The following SLC22A15 variants were observed in gnomAD, a reference collection of about 807,000 sequenced individuals.
SLC22A15 encodes the protein solute carrier family 22 member 15, also known as flipt 1.
In SLC22A15, 45 loss-of-function variants were observed where a neutral mutation model predicts 62.7. The ratio of observed to expected loss-of-function variants is 0.72; its 90% CI spans 0.56 to 0.92. SLC22A15 has a LOEUF of 0.92. Among genes scored for constraint, SLC22A15 ranks in the 40% least tolerant of loss-of-function variants. The pLI is 0.00. For missense variants in SLC22A15, 622 were observed against 665.6 expected (o/e 0.93, Z 0.72); for synonymous variants, 264 against 267.0 (o/e 0.99, Z 0.11).
intron 2 of SLC22A15, among the ~76,000 whole-genome samples, chr1:116,016,045 ATC>A (rs1380111050): frequency 2.6e-5 from 4 of 151,612 alleles, no homozygotes; most frequent in Admixed American, 6.6e-5. Context: ...AGCTCTTTTA[ATC>A]TCTTTTATAT....
At position 115,987,552 on chromosome 1, in the gene SLC22A15, G is replaced by A. The variant is rs190035910; in HGVS notation, c.88-4479G>A. On this transcript the variant is annotated intron_variant, in intron 1 of 11. Coordinates refer to ENST00000369503, the MANE Select transcript of SLC22A15 (RefSeq NM_018420.3). Reference sequence around the variant, plus strand: ...CTCAAATTTTACACAAAAAAAAATAGCTAGTATTAGTAAGTCAACCAACAA... The same window carrying A: ...CTCAAATTTTACACAAAAAAAAATAACTAGTATTAGTAAGTCAACCAACAA... Among the ~76,000 whole-genome samples, 5 of 152,258 alleles carry A rather than the reference G, an allele frequency of 3.3e-5. No homozygotes were observed. The East Asian group carries it at 9.7e-4, about 29-fold the overall frequency.
At chr1:116,047,388 C>G (rs1490521716) in intron 8 of SLC22A15, among the ~76,000 whole-genome samples, 1 of 152,166 alleles carries the variant, frequency 6.6e-6, no homozygotes, top group Non-Finnish European at 1.5e-5. Context: ...GATCGTGCCA[C>G]TGCACTCCAG....
At chr1:116,051,773 C>T (rs1442047180) in intron 8 of SLC22A15, among the ~76,000 whole-genome samples, 1 of 152,162 alleles carries the variant, frequency 6.6e-6, no homozygotes, top group Non-Finnish European at 1.5e-5. Context: ...TGCTCGAGGT[C>T]CACACCGCGG....
At chr1:116,001,829 C>T (rs1655748082) in intron 2 of SLC22A15, among the ~76,000 whole-genome samples, 1 of 152,092 alleles carries the variant, frequency 6.6e-6, no homozygotes, top group Non-Finnish European at 1.5e-5. Context: ...CAGAATTGGT[C>T]ACTGGTGCCT....
chr1:116,039,057 A>AAG (rs746606744), intron 8 of SLC22A15, among the ~76,000 whole-genome samples: 2,000 of 152,258 alleles, frequency 0.013, 17 homozygotes, highest in Non-Finnish European at 0.022. Flanking sequence ...CCAGACCAGC[A>AAG]AGTACCACTC....
chr1:116,053,972 G>A (rs564209033), intron 8 of SLC22A15, among the ~76,000 whole-genome samples: 6 of 152,010 alleles, frequency 3.9e-5, no homozygotes, highest in Non-Finnish European at 5.9e-5. Context: ...AAAGACCATC[G>A]AGACTAGGAA....
intron 8 of SLC22A15, among the ~76,000 whole-genome samples, chr1:116,040,190 G>A (rs772365718): frequency 1.3e-5 from 2 of 152,170 alleles, no homozygotes; most frequent in Non-Finnish European, 2.9e-5. Context: ...AGATTGTTTG[G>A]CATTCCTCAG....
chr1:116,034,937 A>G (rs953351955), intron 6 of SLC22A15, among the ~76,000 whole-genome samples: 4 of 152,236 alleles, frequency 2.6e-5, no homozygotes, highest in African/African-American at 7.2e-5. Context: ...GGGGCTGGCC[A>G]TCCATTTGAT....
At chr1:116,029,132 A>G (rs1292835994) in intron 5 of SLC22A15, among the ~76,000 whole-genome samples, 3 of 152,228 alleles carry the variant, frequency 2.0e-5, no homozygotes, top group African/African-American at 2.4e-5. Context: ...ACATTGCACA[A>G]ATGTTGGCAC....
intron 1 of SLC22A15, among the ~76,000 whole-genome samples, chr1:115,983,552 GC>G (rs1557868817): frequency 1.3e-5 from 2 of 152,138 alleles, no homozygotes; most frequent in African/African-American, 2.4e-5. Context: ...CGTTCAGCAG[GC>G]CCTGTAAGGC....
At chr1:116,019,507 G>A in intron 2 of SLC22A15, 75 bp from the exon 3 acceptor site, 1 of 1,438,070 alleles carries the variant, frequency 7.0e-7, no homozygotes, top group Non-Finnish European at 9.3e-7. Context: ...TGGTGTACAA[G>A]TTTTTGTTGC....
intron 4 of SLC22A15, 105 bp from the exon 5 acceptor site, chr1:116,026,788 A>G (rs1657115172): frequency 1.5e-6 from 2 of 1,379,164 alleles, no homozygotes; most frequent in East Asian, 2.4e-5. Context: ...TTGCCAGCAT[A>G]GGGCTGACAT....
rs1299359073 is a variant in SLC22A15 at position 115,986,108 on chromosome 1, G to A, written c.88-5923G>A. Among the ~76,000 whole-genome samples the A allele has an allele frequency of 3.9e-5, 6 of 152,048 alleles. No homozygotes were observed. In the East Asian group the frequency reaches 1.2e-3, roughly 29 times the overall value. On this transcript the variant is annotated intron_variant, in intron 1 of 11. Coordinates refer to ENST00000369503, the MANE Select transcript of SLC22A15 (RefSeq NM_018420.3). ...TCCTCCTGCCTTGGCTCCCTAAAAT[G>A]CTGGGATTATAGGCATGAGCCACCA...
At position 116,020,770 on chromosome 1, in the gene SLC22A15, A is replaced by T. The variant is rs747860304; in HGVS notation, c.483A>T (p.Ser161=). 4.3e-6 allele frequency: 7 copies of T among 1,613,674 alleles called. No homozygotes were observed. The East Asian group carries it at 1.6e-4, about 36-fold the overall frequency. ...LFAIANGFSP[S]YEFFAVTRFL... is the part of the protein sequence containing the mutation. Reference sequence around the variant, plus strand: ...CAATTGCAAATGGATTTTCCCCCTCATATGAGTTCTTTGCAGTAACTCGCT... The same window carrying T: ...CAATTGCAAATGGATTTTCCCCCTCTTATGAGTTCTTTGCAGTAACTCGCT... The change falls in exon 4 of 12, where the codon TCA becomes TCT. Residue 161 remains serine, a synonymous_variant. Transcript: ENST00000369503.
chr1:116,020,597 A>G, intron 3 of SLC22A15, 124 bp from the exon 4 acceptor site: 3 of 878,050 alleles, frequency 3.4e-6, no homozygotes, highest in Non-Finnish European at 3.2e-6. Context: ...AAAGAAACCC[A>G]CAAAAACAGC....
intron 8 of SLC22A15, among the ~76,000 whole-genome samples, chr1:116,042,107 A>T (rs1377259791): frequency 1.3e-5 from 2 of 151,992 alleles, no homozygotes; most frequent in Non-Finnish European, 2.9e-5. Context: ...AACAAAAAAA[A>T]AAAACATTGA....
chr1:116,031,295 T>A (rs1657380498), intron 5 of SLC22A15, 71 bp from the exon 6 acceptor site: 3 of 1,135,224 alleles, frequency 2.6e-6, no homozygotes, highest in Non-Finnish European at 3.9e-6. Context: ...ACGTACTGAG[T>A]AGGTGATTTG....
At position 116,057,721 on chromosome 1, in the gene SLC22A15, A is replaced by G. The variant is rs567590352; in HGVS notation, c.1172-5041A>G. Among the ~76,000 whole-genome samples the G allele has an allele frequency of 1.1e-3, 163 of 152,254 alleles. 1 individual carries two copies. The highest frequency in any genetic ancestry group is 2.7e-3 in the South Asian group (13 of 4,822). On this transcript the variant is annotated intron_variant, in intron 8 of 11. Coordinates refer to ENST00000369503, the MANE Select transcript of SLC22A15 (RefSeq NM_018420.3). Reference sequence around the variant, plus strand: ...GCACATATACACCATGGAATACTATACAGCCATAAAAAATGATGAGTTCAT... The same window carrying G: ...GCACATATACACCATGGAATACTATGCAGCCATAAAAAATGATGAGTTCAT...
At chr1:115,992,317 T>C in intron 2 of SLC22A15, 74 bp downstream of exon 2, 1 of 1,260,576 alleles carries the variant, frequency 7.9e-7, no homozygotes, top group Non-Finnish European at 1.1e-6. Flanking sequence ...TTTGTCTTGC[T>C]GATTTAAATA....
Sources: gnomAD v4.1 joint callset for allele counts (sites outside exome capture counted in the v4.1 genomes callset) on GRCh38, gnomAD v4.1.1 for gene constraint, MANE v1.5 for transcripts, NCBI Gene and HGNC (gene_info 2026-07-23, HGNC 2026-07-21) for gene names.